RIPPLY2: variants seen among roughly 807,000 people sequenced by gnomAD.
RIPPLY2 encodes ripply transcriptional repressor 2, also known as protein ripply2.
A neutral mutation model predicts 17.7 loss-of-function variants in RIPPLY2; 20 were observed. The observed-to-expected ratio is 1.13, with a 90% CI of 0.79 to 1.64. RIPPLY2 has a LOEUF of 1.64. RIPPLY2 is among the 40% of genes most tolerant of loss of function. The probability of loss-of-function intolerance (pLI) is 0.00; values close to 1 mark genes in which losing one functional copy is unlikely to be tolerated. For synonymous variants in RIPPLY2, 69 were observed against 63.9 expected (o/e 1.08, Z -0.38); for missense variants, 213 against 169.8 (o/e 1.25, Z -1.41).
At chr6:83,854,422 AAGAG>A (rs2099454686) in intron 3 of RIPPLY2, 5 of 532,194 alleles carry the variant, frequency 9.4e-6, no homozygotes, top group Non-Finnish European at 1.7e-5. Context: ...ATGATATGGT[AAGAG>A]AGCGGTGACA....
intron 3 of RIPPLY2, chr6:83,854,830 T>TA (rs1277479867): frequency 6.6e-6 from 1 of 152,574 alleles, no homozygotes; most frequent in African/African-American, 2.4e-5. Flanking sequence ...TGGTCATAAA[T>TA]AACACATAGA....
chr6:83,854,191 C>G, intron 3 of RIPPLY2, 30 bp downstream of exon 3: 2 of 1,591,664 alleles, frequency 1.3e-6, no homozygotes, highest in South Asian at 1.1e-5. Flanking sequence ...GAAGGTCTCC[C>G]GCTCCTCCAG....
In RIPPLY2 at chr6:83,853,386, G is replaced by T; in HGVS notation, c.-31G>T. On this transcript the variant is annotated 5_prime_UTR_variant, in exon 1 of 4. Coordinates refer to ENST00000369689, the MANE Select transcript of RIPPLY2 (RefSeq NM_001009994.3). ...ACTGGTCAAGATTGCCCGCGAGCTG[G>T]CAGCGGCCTTCCGCCCAGCTCTGCG... The T allele has an allele frequency of 6.5e-7, 1 of 1,528,880 alleles. No homozygotes were observed. Among genetic ancestry groups the T allele is most frequent in the Non-Finnish European group, 8.8e-7 (1 of 1,136,778 alleles). The allele number at this position is 1,528,880 out of a possible 1,614,324, so 94.7% of individuals were successfully genotyped here.
intron 1 of RIPPLY2, 80 bp downstream of exon 1, chr6:83,853,591 A>G (rs1181166656): frequency 1.3e-6 from 2 of 1,537,876 alleles, no homozygotes; most frequent in East Asian, 2.4e-5. Flanking sequence ...CTCCCCTCCA[A>G]CTCTCCATCC....
intron 3 of RIPPLY2, chr6:83,855,275 G>A (rs952459741): frequency 1.3e-5 from 2 of 152,176 alleles, no homozygotes; most frequent in South Asian, 2.1e-4. Context: ...GCTTTATTCC[G>A]AAGGTAGTCT....
At chr6:83,853,891 A>C in intron 2 of RIPPLY2, 118 bp downstream of exon 2, 1 of 1,063,578 alleles carries the variant, frequency 9.4e-7, no homozygotes, top group Non-Finnish European at 1.4e-6. Context: ...CTCTCGCTTA[A>C]CATCCCGCCT....
chr6:83,857,363 A>C lies in RIPPLY2; in HGVS notation c.361A>C (p.Ile121Leu). 6.3e-7 allele frequency: 1 copy of C among 1,584,902 alleles called. No individual in the cohort carries two copies. The highest frequency in any genetic ancestry group is 8.5e-7 in the Non-Finnish European group (1 of 1,171,014). ...FYEDSDSEDE[I>L]EDLTCEN ...TGAAGATTCTGATAGCGAAGATGAAATTGAGGATCTGACCTGTGAAAATTA... is the reference window on the plus strand; with the variant it reads ...TGAAGATTCTGATAGCGAAGATGAACTTGAGGATCTGACCTGTGAAAATTA... Residue 121 changes from isoleucine to leucine, a missense_variant, in exon 4 of 4, where the codon ATT becomes CTT. Physicochemically the swap from Ile to Leu is conservative, Grantham distance 5. Coordinates refer to ENST00000369689, the MANE Select transcript of RIPPLY2 (RefSeq NM_001009994.3).
intron 3 of RIPPLY2, chr6:83,855,374 C>A (rs1306723320): frequency 6.6e-6 from 1 of 152,008 alleles, no homozygotes; most frequent in African/African-American, 2.4e-5. Flanking sequence ...TAATGATGAA[C>A]CATTGTAAGA....
chr6:83,853,641 C>T (rs1329376090), intron 1 of RIPPLY2, 54 bp from the exon 2 acceptor site: 6 of 1,584,212 alleles, frequency 3.8e-6, no homozygotes, highest in South Asian at 2.3e-5. Context: ...GGTGGATTCT[C>T]CCGGGTCTGG....
rs201419367 is a variant in RIPPLY2, at chr6:83,854,160, A to T, written c.238A>T (p.Arg80Ter). 278 of 1,613,700 alleles carry T rather than the reference A, an allele frequency of 1.7e-4. No individual in the cohort carries two copies. Among genetic ancestry groups the T allele is most frequent in the Non-Finnish European group, 2.2e-4 (264 of 1,179,744 alleles). ...GKLYQFRHPV[R>*]LFWPKSKCYD... ...GCTTTACCAATTCAGGCACCCAGTC[A>T]GGTGAGTGACAGGCCTCGCCGAAGG... is the stretch of plus-strand genomic sequence containing the variant. The change falls in exon 3 of 4, where the codon AGA becomes TGA. Residue 80 changes from arginine (R) to a stop codon, truncating the protein, a stop_gained and splice_region_variant. Coordinates refer to ENST00000369689, the MANE Select transcript of RIPPLY2 (RefSeq NM_001009994.3). LOFTEE classifies it high-confidence loss of function.
chr6:83,854,026 C>T, intron 2 of RIPPLY2, 71 bp from the exon 3 acceptor site: 1 of 1,418,298 alleles, frequency 7.1e-7, no homozygotes, highest in Admixed American at 1.7e-5. Context: ...ACGAGGAACA[C>T]TGGGTCGTGC....
intron 2 of RIPPLY2, 76 bp from the exon 3 acceptor site, chr6:83,854,021 G>A: frequency 4.3e-6 from 6 of 1,388,844 alleles, no homozygotes; most frequent in East Asian, 2.3e-5. Context: ...CGGGCACGAG[G>A]AACACTGGGT....
At chr6:83,853,630 C>G in intron 1 of RIPPLY2, 65 bp from the exon 2 acceptor site, 1 of 1,573,854 alleles carries the variant, frequency 6.4e-7, no homozygotes, top group East Asian at 2.3e-5. Flanking sequence ...CGCTCGGCTT[C>G]GGTGGATTCT....
At chr6:83,853,599 T>C in intron 1 of RIPPLY2, 88 bp downstream of exon 1, 1 of 1,546,342 alleles carries the variant, frequency 6.5e-7, no homozygotes, top group South Asian at 1.2e-5. Flanking sequence ...CAACTCTCCA[T>C]CCCCCACTGC....
At position 83,857,265 on chromosome 6, in the gene RIPPLY2, G is replaced by C; in HGVS notation, c.263G>C (p.Cys88Ser). 6.6e-7 allele frequency: 1 copy of C among 1,519,150 alleles called. No homozygotes were observed. The highest frequency in any genetic ancestry group is 8.8e-7 in the Non-Finnish European group (1 of 1,136,232). 94.1% of individuals were successfully genotyped at this position (1,519,150 alleles called of 1,614,324 possible). ...PVRLFWPKSK[C>S]YDYLYQEAEA... ...AGACTATTTTGGCCAAAATCAAAAT[G>C]TTATGATTACTTATATCAAGAAGCA... is the stretch of plus-strand genomic sequence containing the variant. Residue 88 changes from cysteine to serine, a missense_variant, in exon 4 of 4, where the codon TGT becomes TCT. Physicochemically the swap from Cys to Ser is moderately radical, Grantham distance 112. Transcript: ENST00000369689.
chr6:83,854,131 G>A lies in RIPPLY2; in HGVS notation c.209G>A (p.Gly70Glu). 1 of 1,614,140 alleles carries A rather than the reference G, an allele frequency of 6.2e-7. No homozygotes were observed. The highest frequency in any genetic ancestry group is 1.3e-5 in the African/African-American group (1 of 75,054). The change falls in exon 3 of 4, where the codon GGA becomes GAA. Residue 70 changes from glycine to glutamate, a missense_variant. Coordinates refer to ENST00000369689, the MANE Select transcript of RIPPLY2 (RefSeq NM_001009994.3). ...GGCCCTGGAATGACCGCAGCCTCAGGAAAGCTTTACCAATTCAGGCACCCA... is the reference window on the plus strand; with the variant it reads ...GGCCCTGGAATGACCGCAGCCTCAGAAAAGCTTTACCAATTCAGGCACCCA... ...PDGPGMTAAS[G>E]KLYQFRHPVR...
Position 83,854,111 on chromosome 6 carries a change from T to C in RIPPLY2, c.189T>C (p.Pro63=), listed in dbSNP as rs1282635841. The C allele has an allele frequency of 6.2e-7, 1 of 1,613,982 alleles. No individual in the cohort carries two copies. The highest frequency in any genetic ancestry group is 1.3e-5 in the African/African-American group (1 of 74,922). ...NHAAEAMPDG[P]GMTAASGKLY... ...TTCCTCTCCAGATGCCCGATGGCCCTGGAATGACCGCAGCCTCAGGAAAGC... is the reference window on the plus strand; with the variant it reads ...TTCCTCTCCAGATGCCCGATGGCCCCGGAATGACCGCAGCCTCAGGAAAGC... Residue 63 remains proline, a synonymous_variant, in exon 3 of 4, where the codon CCT becomes CCC. Coordinates refer to ENST00000369689, the MANE Select transcript of RIPPLY2 (RefSeq NM_001009994.3).
At chr6:83,856,174 T>C (rs1450757193) in intron 3 of RIPPLY2, 2 of 152,228 alleles carry the variant, frequency 1.3e-5, no homozygotes, top group African/African-American at 2.4e-5. Context: ...GATTTATTCA[T>C]CTTTAAATTG....
chr6:83,854,083 C>T lies in RIPPLY2; in HGVS notation c.175-14C>T. On this transcript the variant is annotated splice_polypyrimidine_tract_variant and intron_variant, in intron 2 of 3. Transcript: ENST00000369689. ...AGGTGGGTGATAACTGGATTCACTT[C>T]CTTTCCTCTCCAGATGCCCGATGGC... The T allele has an allele frequency of 6.2e-7, 1 of 1,612,976 alleles. No homozygotes were observed. The highest frequency in any genetic ancestry group is 1.1e-5 in the South Asian group (1 of 91,066).
Sources: gnomAD v4.1 joint callset for allele counts on GRCh38, gnomAD v4.1.1 for gene constraint, MANE v1.5 for transcripts, NCBI Gene and HGNC (gene_info 2026-07-23, HGNC 2026-07-21) for gene names.